The following NADSYN1 variants were observed in gnomAD, a reference collection of about 807,000 sequenced individuals.
NADSYN1 encodes NAD synthetase 1.
Under a neutral mutation model 99.3 loss-of-function variants are expected in NADSYN1, and 80 were observed. The ratio of observed to expected loss-of-function variants is 0.81; its 90% CI spans 0.67 to 0.97. The LOEUF is 0.97. Among genes scored for constraint, NADSYN1 ranks in the 50% least tolerant of loss-of-function variants. The pLI, the probability that NADSYN1 is intolerant of heterozygous loss-of-function variation, is 0.00. For synonymous variants in NADSYN1, 385 were observed against 372.1 expected (o/e 1.03, Z -0.40); for missense variants, 859 against 948.5 (o/e 0.91, Z 1.24).
At chr11:71,497,806 G>T (rs1460771896) in intron 19 of NADSYN1, among the ~76,000 whole-genome samples, 195 bp downstream of exon 19, 1 of 152,128 alleles carries the variant, frequency 6.6e-6, no homozygotes, top group African/African-American at 2.4e-5. Flanking sequence ...TCTGAGTGAG[G>T]CTCACCCACA....
chr11:71,466,655 G>A (rs1352107923), intron 5 of NADSYN1: 1 of 152,272 alleles, frequency 6.6e-6, no homozygotes, highest in African/African-American at 2.4e-5. Flanking sequence ...TTTCTGTCTT[G>A]CAGGTGGAAT....
chr11:71,463,837 T>C (rs1157742275), intron 4 of NADSYN1, among the ~76,000 whole-genome samples: 1 of 152,222 alleles, frequency 6.6e-6, no homozygotes, highest in East Asian at 1.9e-4. Context: ...CTTCTGGGGC[T>C]TAGCTGCTTC....
At chr11:71,455,980 C>G (rs115374798) in intron 2 of NADSYN1, among the ~76,000 whole-genome samples, 147 of 152,350 alleles carry the variant, frequency 9.6e-4, no homozygotes, top group African/African-American at 3.4e-3. Context: ...CGTTGTAAGT[C>G]TCTTGTAAGC....
At chr11:71,501,126 A>T (rs7129099) in intron 20 of NADSYN1, among the ~76,000 whole-genome samples, 176 bp from the exon 21 acceptor site, 135,770 of 152,320 alleles carry the variant, frequency 0.89, 60,984 homozygotes, top group Non-Finnish European at 0.95. Flanking sequence ...GCTATGCGTG[A>T]TCTGGACCCG....
intron 2 of NADSYN1, 26 bp downstream of exon 2, chr11:71,455,196 G>A: frequency 6.3e-7 from 1 of 1,597,612 alleles, no homozygotes; most frequent in Non-Finnish European, 8.6e-7. Flanking sequence ...GACACCCTGG[G>A]GTCGTCAGCT....
chr11:71,473,486 C>A (rs765531255), intron 7 of NADSYN1, 83 bp from the exon 8 acceptor site: 1 of 1,526,780 alleles, frequency 6.5e-7, no homozygotes, highest in Non-Finnish European at 9.0e-7. Flanking sequence ...TGGGAGCTGC[C>A]GTGGGAGAGT....
At position 71,476,283 on chromosome 11, in the gene NADSYN1, G is replaced by A. The variant is rs541695444; in HGVS notation, c.798+1757G>A. Reference sequence around the variant, plus strand: ...GGCATTAAAGCAGCGGATTCACCGAGGCAGGCGGTAGCACCGGAGGCGAGT... The same window carrying A: ...GGCATTAAAGCAGCGGATTCACCGAAGCAGGCGGTAGCACCGGAGGCGAGT... On this transcript the variant is annotated intron_variant, in intron 9 of 20. Transcript: ENST00000319023. The A allele has an allele frequency of 4.6e-3, 1,652 of 359,340 alleles. 5 individuals carry two copies. The highest frequency in any genetic ancestry group is 0.011 in the Admixed American group (308 of 27,960). 22.3% of individuals were successfully genotyped at this position (359,340 alleles called of 1,614,324 possible). A position where few individuals can be genotyped will look rare whatever the true frequency, so the allele number is the denominator to read the frequency against.
In NADSYN1 at chr11:71,472,846, C is replaced by A. The variant is rs571998661; in HGVS notation, c.459+346C>A. Among the ~76,000 whole-genome samples the A allele has an allele frequency of 3.3e-5, 5 of 152,274 alleles. No homozygotes were observed. In the South Asian group the frequency reaches 1.0e-3, roughly 32 times the overall value. On this transcript the variant is annotated intron_variant, in intron 6 of 20. Transcript: ENST00000319023. ...GTTATCTAGACCAACAGCAAAATGC[C>A]CTACTCTCAATTTTGAATTCTAAGG...
chr11:71,458,671 T>C (rs960023194), intron 3 of NADSYN1, 127 bp downstream of exon 3: 5 of 704,690 alleles, frequency 7.1e-6, no homozygotes, highest in African/African-American at 1.8e-5. Flanking sequence ...AAAGGCCTTA[T>C]GCTTGAAAAG....
At chr11:71,487,421 C>T (rs1217643688) in intron 16 of NADSYN1, among the ~76,000 whole-genome samples, 3 of 152,198 alleles carry the variant, frequency 2.0e-5, no homozygotes, top group Admixed American at 2.0e-4. Flanking sequence ...AGAGTTCCCC[C>T]TCACAACTCT....
chr11:71,496,082 G>A (rs553418972), intron 18 of NADSYN1, among the ~76,000 whole-genome samples: 1 of 152,256 alleles, frequency 6.6e-6, no homozygotes, highest in African/African-American at 2.4e-5. Flanking sequence ...TTCAGGGCAC[G>A]GGCTCAGGAG....
At chr11:71,472,365 G>C in intron 5 of NADSYN1, 84 bp from the exon 6 acceptor site, 1 of 1,157,798 alleles carries the variant, frequency 8.6e-7, no homozygotes, top group Non-Finnish European at 1.3e-6. Flanking sequence ...GGAGGGTTCA[G>C]TTTGAGTTTT....
chr11:71,477,714 C>A (rs1446080208), intron 9 of NADSYN1, among the ~76,000 whole-genome samples: 1 of 152,252 alleles, frequency 6.6e-6, no homozygotes, highest in Non-Finnish European at 1.5e-5. Flanking sequence ...ACACAGGCAG[C>A]ACGTCCAGGC....
chr11:71,486,930 C>T lies in NADSYN1; in HGVS notation c.1562+1282C>T, dbSNP rs187815504. On this transcript the variant is annotated intron_variant, in intron 16 of 20. Transcript: ENST00000319023. ...ACGCCATTCTCCTGCCTCAGCCTCC[C>T]GAGTAGCTGGGACTACAGGCGCCCA... Among the ~76,000 whole-genome samples the T allele has an allele frequency of 2.6e-4, 40 of 151,250 alleles. No homozygotes were observed. In the South Asian group the frequency reaches 6.5e-3, roughly 24 times the overall value.
At chr11:71,494,203 A>G (rs1317445617) in intron 18 of NADSYN1, among the ~76,000 whole-genome samples, 1 of 152,176 alleles carries the variant, frequency 6.6e-6, no homozygotes, top group African/African-American at 2.4e-5. Context: ...CAGTCCTGCA[A>G]GCTCCAGTCC....
intron 5 of NADSYN1, among the ~76,000 whole-genome samples, chr11:71,465,030 A>G (rs899623938): frequency 3.3e-5 from 5 of 152,096 alleles, no homozygotes; most frequent in African/African-American, 1.2e-4. Context: ...ATTTACCAAG[A>G]CAGTTGTAGG....
chr11:71,489,190 C>A (rs1949763283), intron 16 of NADSYN1, among the ~76,000 whole-genome samples: 1 of 151,754 alleles, frequency 6.6e-6, no homozygotes, highest in African/African-American at 2.4e-5. Flanking sequence ...AGTGACCAGC[C>A]TGGGGGAAAG....
intron 18 of NADSYN1, among the ~76,000 whole-genome samples, chr11:71,495,583 T>C (rs1949813619): frequency 6.6e-6 from 1 of 152,238 alleles, no homozygotes; most frequent in African/African-American, 2.4e-5. Context: ...TGATTTTTCA[T>C]CTTAGTTGTT....
intron 16 of NADSYN1, among the ~76,000 whole-genome samples, chr11:71,490,556 A>G (rs554991578): frequency 7.8e-4 from 118 of 152,000 alleles, no homozygotes; most frequent in Non-Finnish European, 1.3e-3. Flanking sequence ...CCGACACCCC[A>G]AGACCTCTGT....
Sources: gnomAD v4.1 joint callset for allele counts (sites outside exome capture counted in the v4.1 genomes callset) on GRCh38, gnomAD v4.1.1 for gene constraint, MANE v1.5 for transcripts, NCBI Gene and HGNC (gene_info 2026-07-23, HGNC 2026-07-21) for gene names.